Variants in UBE2D2 observed in about 807,000 individuals in gnomAD.
UBE2D2 encodes ubiquitin-conjugating enzyme E2 D2.
Under a neutral mutation model 24.2 loss-of-function variants are expected in UBE2D2, and 2 were observed. That is an observed-to-expected ratio of 0.08 (90% confidence interval 0.03 to 0.26). UBE2D2 has a LOEUF of 0.26. Ranked by LOEUF, UBE2D2 falls within the 10% of genes least tolerant of loss-of-function variation. The pLI, the probability that UBE2D2 is intolerant of heterozygous loss-of-function variation, is 1.00. For missense variants in UBE2D2, 44 were observed against 177.6 expected (o/e 0.25, Z 4.28); for synonymous variants, 58 against 56.5 (o/e 1.03, Z -0.12).
chr5:139,617,848 G>A (rs1332044208), intron 5 of UBE2D2, among the ~76,000 whole-genome samples: 1 of 152,088 alleles, frequency 6.6e-6, no homozygotes, highest in African/African-American at 2.4e-5. Flanking sequence ...AAAACAGACA[G>A]TTAACTGGTT....
intron 1 of UBE2D2, among the ~76,000 whole-genome samples, chr5:139,595,111 G>T (rs1753932735): frequency 6.6e-6 from 1 of 152,146 alleles, no homozygotes; most frequent in South Asian, 2.1e-4. Context: ...GACACAGAGG[G>T]CTGGCTGTAC....
chr5:139,549,308 G>A (rs1056760798), intron 1 of UBE2D2, among the ~76,000 whole-genome samples: 2 of 152,170 alleles, frequency 1.3e-5, no homozygotes, highest in African/African-American at 4.8e-5. Flanking sequence ...AGCTGAGGCC[G>A]GAGCCAGCTC....
At chr5:139,534,434 C>T (rs1338763694) in intron 1 of UBE2D2, among the ~76,000 whole-genome samples, 5 of 152,162 alleles carry the variant, frequency 3.3e-5, no homozygotes, top group East Asian at 3.9e-4. Context: ...GGCGTCGTGG[C>T]GGGCGCCTGT....
intron 1 of UBE2D2, among the ~76,000 whole-genome samples, chr5:139,600,104 A>G (rs1754041494): frequency 1.3e-5 from 2 of 152,090 alleles, no homozygotes; most frequent in Admixed American, 1.3e-4. Context: ...GGCCCATAAT[A>G]CATGACACAT....
chr5:139,527,168 A>T (rs559737485), intron 1 of UBE2D2, among the ~76,000 whole-genome samples: 3 of 152,218 alleles, frequency 2.0e-5, no homozygotes, highest in African/African-American at 7.2e-5. Context: ...TGGGTTGGCT[A>T]TCAGAAGAAA....
At chr5:139,562,058 C>A in intron 1 of UBE2D2, 2 of 830,388 alleles carry the variant, frequency 2.4e-6, no homozygotes, top group Non-Finnish European at 3.5e-6. Context: ...CCTTCCAGGC[C>A]CGCATGGTGT....
At chr5:139,587,398 G>A (rs1027103776) in intron 1 of UBE2D2, among the ~76,000 whole-genome samples, 2 of 152,262 alleles carry the variant, frequency 1.3e-5, no homozygotes, top group Admixed American at 6.5e-5. Flanking sequence ...AACAAACATG[G>A]ATGAGGCCGT....
At chr5:139,536,760 G>A (rs1356905120) in intron 1 of UBE2D2, among the ~76,000 whole-genome samples, 1 of 152,040 alleles carries the variant, frequency 6.6e-6, no homozygotes, top group African/African-American at 2.4e-5. Flanking sequence ...AAAGTGCTGG[G>A]ATTACAGGTG....
rs149452235 is a variant in UBE2D2 at position 139,564,008 on chromosome 5, A to G, written c.24+2193A>G. On this transcript the variant is annotated intron_variant, in intron 1 of 6. Transcript: ENST00000398733. ...AACGGACTTTTTCAGAGAGGGAACT[A>G]TCTCTTTGACACAAAACATACGTTT... Among the ~76,000 whole-genome samples, 893 of 152,292 alleles carry G rather than the reference A, an allele frequency of 5.9e-3. 13 individuals carry two copies. The highest frequency in any genetic ancestry group is 0.018 in the African/African-American group (760 of 41,564).
rs544032510 is a variant in UBE2D2 at position 139,565,556 on chromosome 5, G to A, written c.24+3741G>A. On this transcript the variant is annotated intron_variant, in intron 1 of 6. Transcript: ENST00000398733. ...ACCACCCCCAGCCCTTTTCCAGTTG[G>A]CTGCATCTCATCTGTTGTGGGCTAA... Among the ~76,000 whole-genome samples, 4 of 152,228 alleles carry A rather than the reference G, an allele frequency of 2.6e-5. No individual in the cohort carries two copies. In the South Asian group the frequency reaches 8.3e-4, roughly 32 times the overall value.
At chr5:139,558,245 G>A (rs10214401), upstream of UBE2D2, among the ~76,000 whole-genome samples, 10,287 of 152,194 alleles carry the variant, frequency 0.068, 413 homozygotes, top group South Asian at 0.11. Flanking sequence ...ATTAAAATAA[G>A]GTAGAAATAT....
chr5:139,536,352 G>A (rs1409724972), intron 1 of UBE2D2, among the ~76,000 whole-genome samples: 5 of 151,060 alleles, frequency 3.3e-5, no homozygotes, highest in South Asian at 2.1e-4. Context: ...GCCCGCCTCC[G>A]CCTCCCAAAG....
Position 139,561,550 on chromosome 5 carries a change from T to TGGC in UBE2D2, c.-238_-236dup, listed in dbSNP as rs887046059. The TGGC allele has an allele frequency of 7.7e-5, 32 of 416,174 alleles. No individual in the cohort carries two copies. Among genetic ancestry groups the TGGC allele is most frequent in the African/African-American group, 6.2e-4 (30 of 48,346 alleles). The allele number at this position is 416,174 out of a possible 1,614,324, so 25.8% of individuals were successfully genotyped here. On this transcript the variant is annotated 5_prime_UTR_variant, in exon 1 of 7. Transcript: ENST00000398733. Reference sequence around the variant, plus strand: ...GAGGCAGCTACGGCGGCGGCGGCGGTGGCGGCTAGGGCGGCGGCGAATAAA... The same window carrying TGGC: ...GAGGCAGCTACGGCGGCGGCGGCGGTGGCGGCGGCTAGGGCGGCGGCGAATAAA...
chr5:139,559,128 T>C (rs1317801208), upstream of UBE2D2, among the ~76,000 whole-genome samples: 1 of 149,806 alleles, frequency 6.7e-6, no homozygotes, highest in Non-Finnish European at 1.5e-5. Flanking sequence ...AGAATAACTT[T>C]AAAAAAAAAA....
intron 2 of UBE2D2, among the ~76,000 whole-genome samples, chr5:139,605,087 C>G (rs943850146): frequency 1.3e-5 from 2 of 151,950 alleles, no homozygotes; most frequent in Non-Finnish European, 1.5e-5. Flanking sequence ...TACCCAAATC[C>G]CTCAGTACCA....
chr5:139,622,491 C>G (rs550680290), intron 5 of UBE2D2, among the ~76,000 whole-genome samples: 26 of 151,362 alleles, frequency 1.7e-4, no homozygotes, highest in African/African-American at 6.0e-4. Flanking sequence ...GATCCACCCC[C>G]CTCCGCCTCC....
chr5:139,607,512 G>A (rs1360014453), intron 2 of UBE2D2, among the ~76,000 whole-genome samples: 1 of 152,006 alleles, frequency 6.6e-6, no homozygotes, highest in African/African-American at 2.4e-5. Flanking sequence ...TTTTGATGAT[G>A]GAATTTGACC....
At chr5:139,601,571 G>C (rs1399566940) in intron 2 of UBE2D2, among the ~76,000 whole-genome samples, 1 of 152,168 alleles carries the variant, frequency 6.6e-6, no homozygotes, top group Non-Finnish European at 1.5e-5. Context: ...CCAGGACCAT[G>C]CCACTGCACT....
intron 1 of UBE2D2, 21 bp from the exon 2 acceptor site, chr5:139,600,346 ATTTCT>A (rs1335142095): frequency 6.2e-7 from 1 of 1,610,700 alleles, no homozygotes; most frequent in Non-Finnish European, 8.5e-7. Flanking sequence ...TGTTGAATAT[ATTTCT>A]TTTCTTTCTT....
Sources: allele counts gnomAD v4.1 joint callset (sites outside exome capture counted in the v4.1 genomes callset), GRCh38; gene constraint gnomAD v4.1.1; transcripts MANE v1.5; gene names NCBI Gene and HGNC (gene_info 2026-07-23, HGNC 2026-07-21).